Variants in EPHA6 observed in about 807,000 individuals in gnomAD.
The protein encoded by EPHA6 is EPH receptor A6, also known as ephrin type-A receptor 6.
Under a neutral mutation model 112.0 loss-of-function variants are expected in EPHA6, and 50 were observed. The observed-to-expected ratio is 0.45, with a 90% confidence interval of 0.36 to 0.56. EPHA6 has a LOEUF of 0.56. EPHA6 is among the 20% of genes least tolerant of loss of function. EPHA6 has a pLI of 0.00. For synonymous variants in EPHA6, 529 were observed against 490.7 expected (o/e 1.08, Z -1.03); for missense variants, 1,280 against 1,417.4 (o/e 0.90, Z 1.56).
At chr3:97,589,262 A>G (rs1575987609) in intron 11 of EPHA6, among the ~76,000 whole-genome samples, 1 of 151,212 alleles carries the variant, frequency 6.6e-6, no homozygotes, top group South Asian at 2.1e-4. Flanking sequence ...TAGCCAAAAG[A>G]TTGGACACCC....
At chr3:97,246,677 G>C (rs2078995822) in intron 5 of EPHA6, among the ~76,000 whole-genome samples, 1 of 151,342 alleles carries the variant, frequency 6.6e-6, no homozygotes, top group Admixed American at 6.6e-5. Context: ...TATTTTATTT[G>C]AAAGTACATA....
intron 5 of EPHA6, among the ~76,000 whole-genome samples, chr3:97,308,176 A>G (rs963572135): frequency 1.6e-4 from 25 of 151,566 alleles, no homozygotes; most frequent in Non-Finnish European, 3.4e-4. Flanking sequence ...TAATTCCACT[A>G]ATTTCCTTAA....
intron 1 of EPHA6, among the ~76,000 whole-genome samples, chr3:96,821,554 C>T (rs1022773300): frequency 4.6e-5 from 7 of 151,724 alleles, no homozygotes; most frequent in African/African-American, 1.2e-4. Context: ...GTGTATTTGC[C>T]ATACATAAAG....
intron 3 of EPHA6, among the ~76,000 whole-genome samples, chr3:97,004,591 TC>T (rs1317511178): frequency 1.3e-5 from 2 of 152,144 alleles, no homozygotes; most frequent in African/African-American, 4.8e-5. Context: ...TCTGTAGGTT[TC>T]CCATTCACTC....
intron 6 of EPHA6, among the ~76,000 whole-genome samples, chr3:97,440,524 G>A (rs1464043991): frequency 6.6e-6 from 1 of 150,686 alleles, no homozygotes; most frequent in Non-Finnish European, 1.5e-5. Context: ...ATAATTATTT[G>A]CAAACCATTA....
At chr3:97,088,130 G>A (rs192724529) in intron 3 of EPHA6, among the ~76,000 whole-genome samples, 12 of 152,106 alleles carry the variant, frequency 7.9e-5, no homozygotes, top group Admixed American at 7.2e-4. Context: ...GCAGTGAGCC[G>A]AGATCGTGCC....
intron 5 of EPHA6, among the ~76,000 whole-genome samples, chr3:97,270,109 A>T (rs2079829853): frequency 6.6e-6 from 1 of 152,204 alleles, no homozygotes; most frequent in Admixed American, 6.5e-5. Context: ...ATAGGAGTAT[A>T]ATTTTCAGAA....
intron 3 of EPHA6, among the ~76,000 whole-genome samples, chr3:97,004,435 A>C (rs1436315845): frequency 6.6e-6 from 1 of 152,032 alleles, no homozygotes; most frequent in Non-Finnish European, 1.5e-5. Context: ...GACCACATAC[A>C]TTTCTTCTTT....
chr3:97,152,255 C>T (rs1375668002), intron 3 of EPHA6, among the ~76,000 whole-genome samples: 1 of 151,624 alleles, frequency 6.6e-6, no homozygotes, highest in Non-Finnish European at 1.5e-5. Context: ...GTTGTTTCTA[C>T]CAAGGATTTT....
intron 6 of EPHA6, among the ~76,000 whole-genome samples, chr3:97,416,671 C>T (rs1046664498): frequency 1.3e-5 from 2 of 152,038 alleles, no homozygotes; most frequent in Non-Finnish European, 2.9e-5. Context: ...ATTTATTGCA[C>T]ACCTACATGT....
chr3:97,571,840 C>T (rs2093335412), intron 11 of EPHA6, among the ~76,000 whole-genome samples: 1 of 152,180 alleles, frequency 6.6e-6, no homozygotes, highest in Non-Finnish European at 1.5e-5. Context: ...AAGCTTGCAG[C>T]ATTTATAAAC....
intron 3 of EPHA6, among the ~76,000 whole-genome samples, chr3:97,074,651 T>G (rs1241130341): frequency 1.3e-5 from 2 of 152,036 alleles, no homozygotes; most frequent in Non-Finnish European, 2.9e-5. Flanking sequence ...GATTTTAATT[T>G]CATACATAAA....
At chr3:97,483,268 G>A (rs539579186) in intron 9 of EPHA6, among the ~76,000 whole-genome samples, 54 of 152,252 alleles carry the variant, frequency 3.5e-4, no homozygotes, top group Admixed American at 8.5e-4. Context: ...TCTCACCAAT[G>A]AAGCTCAGCA....
chr3:97,013,592 G>A (rs902305030), intron 3 of EPHA6, among the ~76,000 whole-genome samples: 1 of 152,056 alleles, frequency 6.6e-6, no homozygotes, highest in Non-Finnish European at 1.5e-5. Flanking sequence ...TTATAATTGT[G>A]CTGTTGCTTA....
chr3:97,586,981 G>T (rs1359220814), intron 11 of EPHA6, among the ~76,000 whole-genome samples: 1 of 152,210 alleles, frequency 6.6e-6, no homozygotes, highest in Non-Finnish European at 1.5e-5. Flanking sequence ...GGTGGCACAT[G>T]CCTGCAATCC....
chr3:97,084,620 A>G (rs186804100), intron 3 of EPHA6, among the ~76,000 whole-genome samples: 1 of 152,224 alleles, frequency 6.6e-6, no homozygotes, highest in Non-Finnish European at 1.5e-5. Context: ...TCAAGCTGAG[A>G]GCCAAATCTG....
At chr3:97,159,826 T>G (rs2076371934) in intron 3 of EPHA6, among the ~76,000 whole-genome samples, 1 of 152,146 alleles carries the variant, frequency 6.6e-6, no homozygotes, top group Admixed American at 6.5e-5. Flanking sequence ...ATTCTGTAAA[T>G]CCACAGAAGT....
chr3:97,407,268 C>T (rs2107080948), intron 6 of EPHA6, among the ~76,000 whole-genome samples: 1 of 151,752 alleles, frequency 6.6e-6, no homozygotes, highest in East Asian at 1.9e-4. Context: ...TGTGTATGTA[C>T]TGTTATATAG....
At chr3:97,116,567 A>G (rs946402398) in intron 3 of EPHA6, among the ~76,000 whole-genome samples, 1 of 151,680 alleles carries the variant, frequency 6.6e-6, no homozygotes, top group African/African-American at 2.4e-5. Context: ...AATATTACAC[A>G]TGTAAGTGAG....
Sources: gnomAD v4.1 joint callset for allele counts (sites outside exome capture counted in the v4.1 genomes callset) on GRCh38, gnomAD v4.1.1 for gene constraint, MANE v1.5 for transcripts, NCBI Gene and HGNC (gene_info 2026-07-23, HGNC 2026-07-21) for gene names.